Variants in ZBTB20 observed in about 807,000 individuals in gnomAD.
ZBTB20 encodes zinc finger and BTB domain-containing protein 20.
A neutral mutation model predicts 56.9 loss-of-function variants in ZBTB20; 9 were observed. The observed-to-expected ratio is 0.16, with a 90% CI of 0.10 to 0.28. The LOEUF is 0.28. Among genes scored for constraint, ZBTB20 ranks in the 10% least tolerant of loss-of-function variants. ZBTB20 has a pLI of 1.00. For missense variants in ZBTB20, 655 were observed against 1,003.0 expected (o/e 0.65, Z 4.69); for synonymous variants, 417 against 420.7 (o/e 0.99, Z 0.11).
At chr3:114,591,938 T>C (rs924475757) in intron 6 of ZBTB20, among the ~76,000 whole-genome samples, 2 of 152,310 alleles carry the variant, frequency 1.3e-5, no homozygotes, top group South Asian at 4.1e-4. Context: ...GTTAATGTGA[T>C]TTTTGCATCA....
At chr3:114,755,139 T>A (rs2067911807) in intron 5 of ZBTB20, among the ~76,000 whole-genome samples, 1 of 152,154 alleles carries the variant, frequency 6.6e-6, no homozygotes, top group Non-Finnish European at 1.5e-5. Context: ...CCCTAGGTAA[T>A]CCTGATACAG....
intron 4 of ZBTB20, among the ~76,000 whole-genome samples, chr3:114,809,959 C>G (rs2072395496): frequency 6.6e-6 from 1 of 152,136 alleles, no homozygotes; most frequent in South Asian, 2.1e-4. Flanking sequence ...TGTGTAATTT[C>G]CATTTTCGTT....
chr3:114,769,651 C>T (rs1040820468), intron 5 of ZBTB20, among the ~76,000 whole-genome samples: 10 of 146,844 alleles, frequency 6.8e-5, no homozygotes, highest in African/African-American at 2.1e-4. Context: ...TTGCAGTGAC[C>T]TGGATGAGAT....
At chr3:114,928,682 T>TA (rs1469422284) in intron 3 of ZBTB20, among the ~76,000 whole-genome samples, 3 of 152,246 alleles carry the variant, frequency 2.0e-5, no homozygotes, top group Admixed American at 1.3e-4. Flanking sequence ...GAAGCTTGTT[T>TA]ACATCTGTAC....
chr3:114,385,650 C>T (rs1338391083), intron 8 of ZBTB20, among the ~76,000 whole-genome samples: 5 of 152,038 alleles, frequency 3.3e-5, no homozygotes, highest in Non-Finnish European at 7.4e-5. Context: ...GGGCGGATCA[C>T]GAGGTCAAGT....
At chr3:115,113,413 T>C (rs2083933653) in intron 1 of ZBTB20, among the ~76,000 whole-genome samples, 1 of 152,252 alleles carries the variant, frequency 6.6e-6, no homozygotes, top group South Asian at 2.1e-4. Context: ...TTTGCCAGAA[T>C]ATGAAGCATT....
At chr3:114,728,071 A>G (rs928875494) in intron 5 of ZBTB20, among the ~76,000 whole-genome samples, 1 of 152,214 alleles carries the variant, frequency 6.6e-6, no homozygotes, top group Non-Finnish European at 1.5e-5. Flanking sequence ...GTTGTTAAAT[A>G]TCTTCATTGT....
At chr3:115,083,164 A>G (rs1377410125) in intron 1 of ZBTB20, among the ~76,000 whole-genome samples, 3 of 152,028 alleles carry the variant, frequency 2.0e-5, no homozygotes, top group Non-Finnish European at 4.4e-5. Context: ...GCATACAACT[A>G]TTTTATCATT....
At chr3:115,006,321 T>C (rs1490933231) in intron 2 of ZBTB20, among the ~76,000 whole-genome samples, 1 of 151,810 alleles carries the variant, frequency 6.6e-6, no homozygotes, top group Non-Finnish European at 1.5e-5. Context: ...AGGAATATTC[T>C]ATTTTATTTA....
chr3:114,427,033 A>G (rs1468353482), intron 7 of ZBTB20, among the ~76,000 whole-genome samples: 2 of 152,222 alleles, frequency 1.3e-5, no homozygotes, highest in Non-Finnish European at 2.9e-5. Flanking sequence ...CGCTATGCAC[A>G]TGATAGGTAT....
chr3:114,510,467 C>T (rs1025700461), intron 6 of ZBTB20, among the ~76,000 whole-genome samples: 2 of 151,920 alleles, frequency 1.3e-5, no homozygotes, highest in African/African-American at 2.4e-5. Flanking sequence ...CCACCCACAA[C>T]GCCACAGAGC....
chr3:114,495,697 TG>T (rs2043214261), intron 7 of ZBTB20, among the ~76,000 whole-genome samples: 1 of 151,904 alleles, frequency 6.6e-6, no homozygotes, highest in Admixed American at 6.6e-5. Flanking sequence ...GTCAAAAGAT[TG>T]AAAAAAAAAT....
chr3:115,065,842 C>T (rs2082188592), intron 2 of ZBTB20, among the ~76,000 whole-genome samples: 1 of 152,098 alleles, frequency 6.6e-6, no homozygotes, highest in East Asian at 1.9e-4. Flanking sequence ...ACCATAGTGC[C>T]TCCTCAAATA....
chr3:115,080,437 G>A (rs1353967010), intron 1 of ZBTB20, among the ~76,000 whole-genome samples: 4 of 152,094 alleles, frequency 2.6e-5, no homozygotes, highest in Non-Finnish European at 5.9e-5. Flanking sequence ...AGACTATAAA[G>A]TTAACATACA....
chr3:114,596,657 A>T (rs2056338904), intron 6 of ZBTB20, among the ~76,000 whole-genome samples: 1 of 152,056 alleles, frequency 6.6e-6, no homozygotes, highest in South Asian at 2.1e-4. Flanking sequence ...AGCTCCAGAC[A>T]CCTCTCAGAC....
chr3:114,601,956 T>C (rs1038956471), intron 6 of ZBTB20, among the ~76,000 whole-genome samples: 2 of 152,038 alleles, frequency 1.3e-5, no homozygotes, highest in Admixed American at 6.6e-5. Flanking sequence ...AACAACTCTC[T>C]AGCTTTCATA....
chr3:115,020,278 T>C (rs919868615), intron 2 of ZBTB20, among the ~76,000 whole-genome samples: 5 of 151,198 alleles, frequency 3.3e-5, no homozygotes, highest in Admixed American at 6.6e-5. Context: ...AGCATGGTTA[T>C]GCTACACCTA....
chr3:114,757,703 T>C (rs2068107486), intron 5 of ZBTB20, among the ~76,000 whole-genome samples: 1 of 152,136 alleles, frequency 6.6e-6, no homozygotes, highest in South Asian at 2.1e-4. Context: ...CTATTCCCTA[T>C]ACCAAGACAA....
intron 7 of ZBTB20, among the ~76,000 whole-genome samples, chr3:114,450,785 C>T (rs1486461207): frequency 6.6e-6 from 1 of 151,758 alleles, no homozygotes; most frequent in East Asian, 1.9e-4. Context: ...AAAAGAAATA[C>T]AACAAAAATT....
Sources: gnomAD v4.1 joint callset for allele counts (sites outside exome capture counted in the v4.1 genomes callset) on GRCh38, gnomAD v4.1.1 for gene constraint, MANE v1.5 for transcripts, NCBI Gene and HGNC (gene_info 2026-07-23, HGNC 2026-07-21) for gene names.